The following CDH18 variants were observed in gnomAD, a reference collection of about 807,000 sequenced individuals.
The protein encoded by CDH18 is cadherin-18.
In CDH18, 31 loss-of-function variants were observed where a neutral mutation model predicts 67.9. That is an observed-to-expected ratio of 0.46 (90% CI 0.34 to 0.62). CDH18 has a LOEUF of 0.62. CDH18 is among the 20% of genes least tolerant of loss of function. The probability of loss-of-function intolerance (pLI) is 0.01; values close to 1 mark genes in which losing one functional copy is unlikely to be tolerated. For synonymous variants in CDH18, 362 were observed against 347.2 expected (o/e 1.04, Z -0.48); for missense variants, 890 against 975.5 (o/e 0.91, Z 1.17).
At chr5:19,858,343 A>T (rs1784519517) in intron 2 of CDH18, among the ~76,000 whole-genome samples, 1 of 152,182 alleles carries the variant, frequency 6.6e-6, no homozygotes, top group Non-Finnish European at 1.5e-5. Context: ...ATCAGACCTA[A>T]AAAGTTGCTG....
chr5:20,010,901 T>C (rs1270376385), intron 2 of CDH18, among the ~76,000 whole-genome samples: 2 of 152,200 alleles, frequency 1.3e-5, no homozygotes, highest in Non-Finnish European at 2.9e-5. Context: ...CTCTGACTTT[T>C]ACATCCAACT....
chr5:20,191,309 A>G (rs141774256), intron 2 of CDH18, among the ~76,000 whole-genome samples: 1 of 152,200 alleles, frequency 6.6e-6, no homozygotes, highest in East Asian at 1.9e-4. Flanking sequence ...TCTTTAAGTA[A>G]TCCTGCTTCT....
chr5:20,309,654 A>G (rs1014254878), intron 1 of CDH18, among the ~76,000 whole-genome samples: 6 of 152,186 alleles, frequency 3.9e-5, no homozygotes, highest in Non-Finnish European at 8.8e-5. Flanking sequence ...CATAATGGAC[A>G]TGTGACAGAT....
chr5:19,547,426 T>C (rs1736527457), intron 8 of CDH18, among the ~76,000 whole-genome samples: 1 of 152,220 alleles, frequency 6.6e-6, no homozygotes, highest in African/African-American at 2.4e-5. Flanking sequence ...TGTAGTGCTA[T>C]AGATCCCTAT....
intron 5 of CDH18, among the ~76,000 whole-genome samples, chr5:19,713,530 T>A (rs1478703948): frequency 1.3e-5 from 2 of 152,144 alleles, no homozygotes; most frequent in Admixed American, 6.6e-5. Flanking sequence ...ATAATTGCAT[T>A]TTGTTAGAAC....
chr5:20,514,601 G>C (rs1241048664), intron 1 of CDH18, among the ~76,000 whole-genome samples: 1 of 151,998 alleles, frequency 6.6e-6, no homozygotes, highest in East Asian at 1.9e-4. Context: ...ATGTGCTTGG[G>C]TTGCATGTGT....
chr5:20,300,488 T>C (rs1221183776), intron 1 of CDH18, among the ~76,000 whole-genome samples: 2 of 152,124 alleles, frequency 1.3e-5, no homozygotes. Context: ...ACATACTTTT[T>C]AGGGCACGTT....
At chr5:20,431,866 C>T (rs773989510) in intron 1 of CDH18, among the ~76,000 whole-genome samples, 50 of 152,140 alleles carry the variant, frequency 3.3e-4, no homozygotes, top group Non-Finnish European at 6.8e-4. Context: ...CAGTTTGGTA[C>T]ATAAAGCGAT....
At chr5:19,485,091 T>A (rs1005665919) in intron 11 of CDH18, among the ~76,000 whole-genome samples, 2 of 152,140 alleles carry the variant, frequency 1.3e-5, no homozygotes, top group African/African-American at 4.8e-5. Context: ...AGCTAATTTT[T>A]AAAATATTCA....
chr5:19,798,984 C>A (rs1241922584), intron 3 of CDH18, among the ~76,000 whole-genome samples: 2 of 151,820 alleles, frequency 1.3e-5, no homozygotes, highest in East Asian at 3.9e-4. Context: ...TTTCTTTATC[C>A]ATTTATCTGT....
chr5:20,496,832 G>A (rs1385029043), intron 1 of CDH18, among the ~76,000 whole-genome samples: 1 of 151,982 alleles, frequency 6.6e-6, no homozygotes, highest in African/African-American at 2.4e-5. Flanking sequence ...TGCCTGTGGA[G>A]GCAGAGGGGG....
intron 5 of CDH18, among the ~76,000 whole-genome samples, chr5:19,655,104 G>A (rs191807172): frequency 9.2e-5 from 14 of 152,108 alleles, no homozygotes; most frequent in African/African-American, 3.4e-4. Flanking sequence ...TTGAGAGTGG[G>A]GCCTTTGCCA....
chr5:20,186,635 A>T (rs967345188), intron 2 of CDH18, among the ~76,000 whole-genome samples: 2 of 151,996 alleles, frequency 1.3e-5, no homozygotes, highest in African/African-American at 4.8e-5. Context: ...ACTGAGAATC[A>T]TTAGAAAAAA....
At chr5:19,825,861 G>A (rs567228843) in intron 3 of CDH18, among the ~76,000 whole-genome samples, 3 of 152,140 alleles carry the variant, frequency 2.0e-5, no homozygotes, top group South Asian at 2.1e-4. Flanking sequence ...GGTTGCTTCC[G>A]GCAAGAGTTC....
chr5:19,882,470 G>A (rs973675841), intron 2 of CDH18, among the ~76,000 whole-genome samples: 2 of 151,968 alleles, frequency 1.3e-5, no homozygotes, highest in Non-Finnish European at 2.9e-5. Flanking sequence ...TGAATCTTAA[G>A]AGATAAAGAA....
At chr5:20,310,106 T>A (rs962031743) in intron 1 of CDH18, among the ~76,000 whole-genome samples, 4 of 152,112 alleles carry the variant, frequency 2.6e-5, no homozygotes, top group Non-Finnish European at 4.4e-5. Flanking sequence ...ATTCTGCAAA[T>A]TGAGGAAGGT....
chr5:20,011,208 A>G (rs1306255735), intron 2 of CDH18, among the ~76,000 whole-genome samples: 1 of 152,056 alleles, frequency 6.6e-6, no homozygotes, highest in East Asian at 1.9e-4. Context: ...ATATTATTCT[A>G]TTTGTGGCAA....
At chr5:20,239,172 A>C (rs948494444) in intron 2 of CDH18, among the ~76,000 whole-genome samples, 4 of 152,154 alleles carry the variant, frequency 2.6e-5, no homozygotes, top group Admixed American at 1.3e-4. Context: ...ATGCTCCAGT[A>C]GGCCGGGTGT....
chr5:20,208,453 A>C (rs926145547), intron 2 of CDH18, among the ~76,000 whole-genome samples: 2 of 145,346 alleles, frequency 1.4e-5, no homozygotes, highest in African/African-American at 5.2e-5. Context: ...ACCATATCAC[A>C]ACAATATACA....
Sources: allele counts gnomAD v4.1 joint callset (sites outside exome capture counted in the v4.1 genomes callset), GRCh38; gene constraint gnomAD v4.1.1; transcripts MANE v1.5; gene names NCBI Gene and HGNC (gene_info 2026-07-23, HGNC 2026-07-21).